The following PTPRM variants were observed in gnomAD, a reference collection of about 807,000 sequenced individuals.
The protein encoded by PTPRM is protein tyrosine phosphatase receptor type M.
In PTPRM, 47 loss-of-function variants were observed where a neutral mutation model predicts 186.7. The observed-to-expected ratio is 0.25, with a 90% confidence interval of 0.20 to 0.32. The LOEUF (loss-of-function observed/expected upper bound fraction) is 0.32, where lower values mean the gene tolerates loss of function less well. PTPRM is among the 10% of genes least tolerant of loss of function. The pLI, the probability that PTPRM is intolerant of heterozygous loss-of-function variation, is 1.00. For synonymous variants in PTPRM, 668 were observed against 674.9 expected (o/e 0.99, Z 0.16); for missense variants, 1,494 against 1,865.0 (o/e 0.80, Z 3.66).
At position 8,064,610 on chromosome 18, in the gene PTPRM, G is replaced by A. The variant is rs148032729; in HGVS notation, c.1133-5076G>A. The stretch of plus-strand genomic sequence containing the variant: ...CAAATTTATATAATTTTTAGGATAA[G>A]TTTGAATTCGTTCCATTACATCACC... On this transcript the variant is annotated intron_variant, in intron 7 of 32. Transcript: ENST00000580170. Among the ~76,000 whole-genome samples the A allele has an allele frequency of 1.2e-4, 18 of 152,304 alleles. No homozygotes were observed. The East Asian group carries it at 3.5e-3, about 29-fold the overall frequency.
At chr18:7,966,194 A>G (rs2054037252) in intron 7 of PTPRM, among the ~76,000 whole-genome samples, 1 of 152,234 alleles carries the variant, frequency 6.6e-6, no homozygotes, top group Non-Finnish European at 1.5e-5. Context: ...AATTTAAATT[A>G]TAAATACAAG....
intron 14 of PTPRM, among the ~76,000 whole-genome samples, chr18:8,211,057 G>C (rs976295908): frequency 6.6e-6 from 1 of 152,206 alleles, no homozygotes; most frequent in Non-Finnish European, 1.5e-5. Context: ...CATCGATTCA[G>C]ATAGGATCAA....
intron 1 of PTPRM, among the ~76,000 whole-genome samples, chr18:7,651,575 C>G (rs62089826): frequency 5.3e-3 from 729 of 137,648 alleles, no homozygotes; most frequent in South Asian, 7.4e-3. Flanking sequence ...TGGAACAGAA[C>G]AGAGCCCTCA....
intron 20 of PTPRM, among the ~76,000 whole-genome samples, chr18:8,309,285 G>A (rs2095250153): frequency 1.3e-5 from 2 of 152,134 alleles, no homozygotes; most frequent in Admixed American, 1.3e-4. Context: ...CAGAATCTGT[G>A]AGTTTATATT....
intron 1 of PTPRM, among the ~76,000 whole-genome samples, chr18:7,615,501 C>G (rs1279514275): frequency 1.3e-5 from 2 of 152,142 alleles, no homozygotes; most frequent in African/African-American, 4.8e-5. Context: ...CAGTACCTCT[C>G]CAGCCTAGTC....
intron 14 of PTPRM, among the ~76,000 whole-genome samples, chr18:8,165,102 G>A (rs970471672): frequency 6.6e-6 from 1 of 150,838 alleles, no homozygotes; most frequent in African/African-American, 2.4e-5. Flanking sequence ...CCAGGAGGCA[G>A]AGGTTGCAGT....
chr18:7,719,508 C>G (rs1254720844), intron 1 of PTPRM, among the ~76,000 whole-genome samples: 1 of 151,868 alleles, frequency 6.6e-6, no homozygotes, highest in Non-Finnish European at 1.5e-5. Flanking sequence ...TAACTAAACA[C>G]CACCTGTTCC....
intron 7 of PTPRM, among the ~76,000 whole-genome samples, chr18:8,028,806 G>A (rs1226171372): frequency 6.6e-6 from 1 of 152,216 alleles, no homozygotes; most frequent in Non-Finnish European, 1.5e-5. Context: ...AGCACGACGA[G>A]GAAGATGAAG....
intron 1 of PTPRM, among the ~76,000 whole-genome samples, chr18:7,603,104 A>G (rs1194054254): frequency 6.6e-6 from 1 of 151,328 alleles, no homozygotes; most frequent in African/African-American, 2.4e-5. Context: ...ATTTTTTTGT[A>G]TTTTTAGTAG....
chr18:7,830,809 G>A (rs1239713353), intron 2 of PTPRM, among the ~76,000 whole-genome samples: 5 of 152,130 alleles, frequency 3.3e-5, no homozygotes, highest in Non-Finnish European at 4.4e-5. Context: ...ACACACACCC[G>A]AAAGCATTTT....
intron 14 of PTPRM, among the ~76,000 whole-genome samples, chr18:8,176,607 C>G (rs1047964274): frequency 1.3e-5 from 2 of 152,160 alleles, no homozygotes; most frequent in African/African-American, 4.8e-5. Context: ...CACATCATCC[C>G]CAACAGGATG....
At chr18:7,933,733 CA>C (rs765394357) in intron 5 of PTPRM, among the ~76,000 whole-genome samples, 1 of 152,170 alleles carries the variant, frequency 6.6e-6, no homozygotes, top group Non-Finnish European at 1.5e-5. Context: ...GGAAAACAAG[CA>C]CAGAGGAAAT....
intron 19 of PTPRM, among the ~76,000 whole-genome samples, chr18:8,285,758 G>A (rs1480310356): frequency 6.6e-6 from 1 of 152,196 alleles, no homozygotes; most frequent in Non-Finnish European, 1.5e-5. Flanking sequence ...TTGAGAGGCT[G>A]AGGTGGGCAG....
chr18:7,957,474 A>T (rs1466084397), intron 7 of PTPRM, among the ~76,000 whole-genome samples: 4 of 152,196 alleles, frequency 2.6e-5, no homozygotes, highest in Non-Finnish European at 5.9e-5. Flanking sequence ...CCTAATGACG[A>T]TGCGCCCTTT....
chr18:8,378,108 A>T (rs1169160402), intron 26 of PTPRM, 157 bp from the exon 27 acceptor site: 1 of 680,156 alleles, frequency 1.5e-6, no homozygotes, highest in African/African-American at 1.8e-5. Flanking sequence ...AATATTTGGC[A>T]TTGCACCCCA....
chr18:7,894,686 A>G (rs1391109491), intron 3 of PTPRM, among the ~76,000 whole-genome samples: 1 of 151,988 alleles, frequency 6.6e-6, no homozygotes, highest in Non-Finnish European at 1.5e-5. Flanking sequence ...AACATGGTGC[A>G]TAAAACTCAA....
chr18:7,996,238 T>A (rs540764572), intron 7 of PTPRM, among the ~76,000 whole-genome samples: 193 of 151,140 alleles, frequency 1.3e-3, no homozygotes, highest in African/African-American at 4.4e-3. Context: ...CAGGGGAAAA[T>A]GGATGGTTCA....
At chr18:7,764,876 AC>A (rs144746183) in intron 1 of PTPRM, among the ~76,000 whole-genome samples, 2,661 of 152,330 alleles carry the variant, frequency 0.017, 18 homozygotes, top group Non-Finnish European at 0.025. Flanking sequence ...ATAGAGGCAG[AC>A]AACTATTTTT....
chr18:7,732,434 C>G (rs79993957), intron 1 of PTPRM, among the ~76,000 whole-genome samples: 4,214 of 152,218 alleles, frequency 0.028, 78 homozygotes, highest in Non-Finnish European at 0.04. Context: ...AGCCAGGAGT[C>G]CAGCTAAAAT....
Sources: allele counts gnomAD v4.1 joint callset (sites outside exome capture counted in the v4.1 genomes callset), GRCh38; gene constraint gnomAD v4.1.1; transcripts MANE v1.5; gene names NCBI Gene and HGNC (gene_info 2026-07-23, HGNC 2026-07-21).